ANKRD36B: variants seen among roughly 807,000 people sequenced by gnomAD.
ANKRD36B encodes the protein ankyrin repeat domain 36B.
In ANKRD36B, 37 loss-of-function variants were observed where a neutral mutation model predicts 135.7. That is an observed-to-expected ratio of 0.27 (90% CI 0.21 to 0.36). The LOEUF (loss-of-function observed/expected upper bound fraction) is 0.36, where lower values mean the gene tolerates loss of function less well. Among genes scored for constraint, ANKRD36B ranks in the 10% least tolerant of loss-of-function variants. ANKRD36B has a pLI of 1.00. For synonymous variants in ANKRD36B, 179 were observed against 348.1 expected, an observed-to-expected ratio of 0.51 and a Z score of 5.41; for missense variants, 549 against 1,037.1, an observed-to-expected ratio of 0.53 and a Z score of 6.46.
Position 97,551,283 on chromosome 2 carries a change from A to T in ANKRD36B, c.1375+6T>A. ...ACATGACATTAAATGTGTTTCGCAA[A>T]ATTACCTGTCCTAGATATTTCTCCA... On this transcript the variant is annotated splice_donor_region_variant and intron_variant, in intron 18 of 43. Transcript: ENST00000359901. 1 of 1,552,328 alleles carries T rather than the reference A, an allele frequency of 6.4e-7. No homozygotes were observed.
At position 97,523,997 on chromosome 2, in the gene ANKRD36B, T is replaced by A. The variant is rs1175370749; in HGVS notation, c.2266-530A>T. 3.1e-5 allele frequency: 2 copies of A among 64,606 alleles called. 1 individual carries two copies. Among genetic ancestry groups the A allele is most frequent in the African/African-American group, 9.0e-5 (2 of 22,284 alleles). The allele number at this position is 64,606 out of a possible 1,614,324, so 4.0% of individuals were successfully genotyped here. A position where few individuals can be genotyped will look rare whatever the true frequency, so the allele number is the denominator to read the frequency against. ...TAAATCTTTGCATATATCACTTAAT[T>A]CCACTTCTAGACATACTGCTGATGT... On this transcript the variant is annotated intron_variant, in intron 35 of 43. Transcript: ENST00000359901.
At chr2:97,570,469 C>T (rs1235457843) in intron 6 of ANKRD36B, among the ~76,000 whole-genome samples, 1 of 152,168 alleles carries the variant, frequency 6.6e-6, no homozygotes, top group Admixed American at 6.5e-5. Flanking sequence ...TTTGCATAAA[C>T]AATGTGGTTG....
chr2:97,589,676 A>G lies in ANKRD36B; in HGVS notation c.10T>C (p.Leu4=). 1 of 1,614,156 alleles carries G rather than the reference A, an allele frequency of 6.2e-7. No homozygotes were observed. Among genetic ancestry groups the G allele is most frequent in the Non-Finnish European group, 8.5e-7 (1 of 1,180,024 alleles). Reference sequence around the variant, plus strand: ...GGAAATGCGAAGCCATCCGAGCACAAGCGCTCCATGAGGGTGGGCCACCTC... The same window carrying G: ...GGAAATGCGAAGCCATCCGAGCACAGGCGCTCCATGAGGGTGGGCCACCTC... MER[L]CSDGFAFPHY... The change falls in exon 1 of 44, where the codon TTG becomes CTG. Residue 4 remains leucine (L), a synonymous_variant. Transcript: ENST00000359901.
At chr2:97,571,438 G>A (rs530338042) in intron 6 of ANKRD36B, among the ~76,000 whole-genome samples, 1 of 152,098 alleles carries the variant, frequency 6.6e-6, no homozygotes, top group Admixed American at 6.5e-5. Context: ...ACAAGGTCAG[G>A]AGATGGAGAC....
Position 97,553,186 on chromosome 2 carries a change from C to G in ANKRD36B, c.1255G>C (p.Gly419Arg), listed in dbSNP as rs544390180. 1 of 1,611,250 alleles carries G rather than the reference C, an allele frequency of 6.2e-7. No homozygotes were observed. Among genetic ancestry groups the G allele is most frequent in the Admixed American group, 1.7e-5 (1 of 59,734 alleles). The change falls in exon 16 of 44, where the codon GGA becomes CGA. Residue 419 changes from glycine to arginine, a missense_variant. Coordinates refer to ENST00000359901, the MANE Select transcript of ANKRD36B (RefSeq NM_001393939.1). ...AAATTACCTGTCCCAGATTTTTCTC[C>G]ATCCTTTATTTCTGTGGCTATATTA... The part of the protein sequence containing the change: ...VSNIATEIKD[G>R]EKSGTVSSQK...
chr2:97,508,926 C>A (rs1418491015), intron 40 of ANKRD36B, among the ~76,000 whole-genome samples: 2 of 109,156 alleles, frequency 1.8e-5, no homozygotes, highest in African/African-American at 5.0e-5. Flanking sequence ...TTTAGTTTAG[C>A]TTTTTCTACA....
rs2080031727 is a variant in ANKRD36B at position 97,551,242 on chromosome 2, T to C, written c.1375+47A>G. On this transcript the variant is annotated intron_variant, in intron 18 of 43. Coordinates refer to ENST00000359901, the MANE Select transcript of ANKRD36B (RefSeq NM_001393939.1). The stretch of plus-strand genomic sequence containing the variant: ...CACTGATTTATTCGGGGAAGAGAAC[T>C]TCTTATCTGGACTGAACATGACATT... The C allele has an allele frequency of 5.2e-6, 8 of 1,536,444 alleles. No homozygotes were observed. The East Asian group carries it at 2.0e-4, about 38-fold the overall frequency.
Position 97,551,250 on chromosome 2 carries a change from T to A in ANKRD36B, c.1375+39A>T, listed in dbSNP as rs551234259. On this transcript the variant is annotated intron_variant, in intron 18 of 43. Coordinates refer to ENST00000359901, the MANE Select transcript of ANKRD36B (RefSeq NM_001393939.1). Reference sequence around the variant, plus strand: ...TATTCGGGGAAGAGAACTTCTTATCTGGACTGAACATGACATTAAATGTGT... The same window carrying A: ...TATTCGGGGAAGAGAACTTCTTATCAGGACTGAACATGACATTAAATGTGT... The A allele has an allele frequency of 4.6e-4, 702 of 1,538,006 alleles. 2 individuals are homozygous for A. The highest frequency in any genetic ancestry group is 2.9e-3 in the South Asian group (246 of 84,010).
intron 3 of ANKRD36B, among the ~76,000 whole-genome samples, chr2:97,584,520 GCAA>G (rs1252018251): frequency 6.6e-6 from 1 of 152,026 alleles, no homozygotes; most frequent in African/African-American, 2.4e-5. Flanking sequence ...CTTGTCAACA[GCAA>G]CAACATGTAC....
intron 6 of ANKRD36B, among the ~76,000 whole-genome samples, chr2:97,563,855 C>A (rs2081231675): frequency 6.6e-6 from 1 of 152,148 alleles, no homozygotes; most frequent in South Asian, 2.1e-4. Flanking sequence ...CATATCCATG[C>A]TGGTATGTCA....
chr2:97,564,338 A>C (rs1010861581), intron 6 of ANKRD36B, among the ~76,000 whole-genome samples: 3 of 152,026 alleles, frequency 2.0e-5, no homozygotes, highest in Non-Finnish European at 4.4e-5. Context: ...GAGGTACCCC[A>C]CACACACTCC....
chr2:97,573,779 C>A lies in ANKRD36B; in HGVS notation c.763+2600G>T, dbSNP rs533500042. Among the ~76,000 whole-genome samples, 11 of 152,158 alleles carry A rather than the reference C, an allele frequency of 7.2e-5. No individual in the cohort carries two copies. In the South Asian group the frequency reaches 1.5e-3, roughly 20 times the overall value. On this transcript the variant is annotated intron_variant, in intron 6 of 43. Transcript: ENST00000359901. ...CTTTGACAAACCTGAGAAAAACAAG[C>A]AATGGGGAAAGGATTCCCTATTTAA... is the stretch of plus-strand genomic sequence containing the variant.
intron 35 of ANKRD36B, among the ~76,000 whole-genome samples, chr2:97,530,742 A>T (rs558279597): frequency 1.0e-5 from 1 of 97,558 alleles, no homozygotes; most frequent in African/African-American, 3.1e-5. Flanking sequence ...AAAAGTGGGC[A>T]AAGGATATCA....
chr2:97,587,942 CTTGT>C (rs1559257851), intron 1 of ANKRD36B, among the ~76,000 whole-genome samples: 1 of 151,664 alleles, frequency 6.6e-6, no homozygotes, highest in Non-Finnish European at 1.5e-5. Flanking sequence ...AATGAGAGTT[CTTGT>C]TTATTTGAAG....
intron 22 of ANKRD36B, among the ~76,000 whole-genome samples, chr2:97,546,183 T>C (rs1037268892): frequency 2.6e-5 from 4 of 151,890 alleles, no homozygotes; most frequent in South Asian, 2.1e-4. Flanking sequence ...GAGCAACTCA[T>C]ACACGTGAGA....
chr2:97,586,320 T>C (rs2082989243), intron 1 of ANKRD36B, among the ~76,000 whole-genome samples: 1 of 151,980 alleles, frequency 6.6e-6, no homozygotes, highest in Admixed American at 6.6e-5. Flanking sequence ...TGATTAATAG[T>C]AGTATTTGAG....
chr2:97,499,279 GGA>G (rs2077336475), intron 43 of ANKRD36B, among the ~76,000 whole-genome samples: 1 of 19,130 alleles, frequency 5.2e-5, no homozygotes, highest in Admixed American at 2.7e-4. Context: ...CAATTGTAAG[GGA>G]GAGAGAATGA....
At chr2:97,510,868 C>T (rs1476542137) in intron 39 of ANKRD36B, among the ~76,000 whole-genome samples, 2 of 151,118 alleles carry the variant, frequency 1.3e-5, no homozygotes, top group Non-Finnish European at 3.0e-5. Context: ...ATTATTACTT[C>T]AGCAGTATAA....
At chr2:97,573,475 A>G (rs2104905849) in intron 6 of ANKRD36B, among the ~76,000 whole-genome samples, 1 of 152,298 alleles carries the variant, frequency 6.6e-6, no homozygotes, top group African/African-American at 2.4e-5. Context: ...AAGGTAATTT[A>G]TAGATTCAAT....
Sources: allele counts gnomAD v4.1 joint callset (sites outside exome capture counted in the v4.1 genomes callset), GRCh38; gene constraint gnomAD v4.1.1; transcripts MANE v1.5; gene names NCBI Gene and HGNC (gene_info 2026-07-23, HGNC 2026-07-21).